ARL5A: variants seen among roughly 807,000 people sequenced by gnomAD.
The protein encoded by ARL5A is ARF like GTPase 5A.
Under a neutral mutation model 25.9 loss-of-function variants are expected in ARL5A, and 18 were observed. That is an observed-to-expected ratio of 0.69 (90% CI 0.48 to 1.03). The LOEUF (loss-of-function observed/expected upper bound fraction) is 1.03. Among genes scored for constraint, ARL5A ranks in the 50% least tolerant of loss-of-function variants. ARL5A has a pLI of 0.00. For synonymous variants in ARL5A, 61 were observed against 67.5 expected (o/e 0.90, Z 0.47); for missense variants, 170 against 211.9 (o/e 0.80, Z 1.23).
chr2:151,814,396 A>T, intron 2 of ARL5A, 80 bp from the exon 3 acceptor site: 1 of 1,083,820 alleles, frequency 9.2e-7, no homozygotes. Flanking sequence ...AGGACAAATC[A>T]GCATGACCTC....
chr2:151,820,817 G>A (rs2099832210), intron 1 of ARL5A, among the ~76,000 whole-genome samples: 1 of 152,074 alleles, frequency 6.6e-6, no homozygotes, highest in African/African-American at 2.4e-5. Context: ...GCCCTACAAG[G>A]TTAAGAATGT....
chr2:151,804,932 C>T (rs2099829893), intron 5 of ARL5A, among the ~76,000 whole-genome samples: 1 of 152,170 alleles, frequency 6.6e-6, no homozygotes, highest in African/African-American at 2.4e-5. Flanking sequence ...AAACCAAACT[C>T]ATCTATTATT....
At position 151,800,056 on chromosome 2, in the gene ARL5A, T is replaced by C. The variant is rs889550492; in HGVS notation, c.*3220A>G. The C allele has an allele frequency of 1.3e-5, 2 of 152,192 alleles. No individual in the cohort carries two copies. The highest frequency in any genetic ancestry group is 4.8e-5 in the African/African-American group (2 of 41,430). The allele number at this position is 152,192 out of a possible 1,614,324, so 9.4% of individuals were successfully genotyped here. A position where few individuals can be genotyped will look rare whatever the true frequency, so the allele number is the denominator to read the frequency against. ...TGATGACAACATACAACTGGGCAGT[T>C]GAGAGAAGACTGGAGTTTGGAGATA... On this transcript the variant is annotated 3_prime_UTR_variant, in exon 6 of 6. Coordinates refer to ENST00000295087, the MANE Select transcript of ARL5A (RefSeq NM_012097.4).
chr2:151,800,503 G>A lies in ARL5A; in HGVS notation c.*2773C>T, dbSNP rs1399544194. 6.6e-6 allele frequency: 1 copy of A among 152,160 alleles called. No homozygotes were observed. Among genetic ancestry groups the A allele is most frequent in the African/African-American group, 2.4e-5 (1 of 41,426 alleles). The allele number at this position is 152,160 out of a possible 1,614,324, so 9.4% of individuals were successfully genotyped here. On this transcript the variant is annotated 3_prime_UTR_variant, in exon 6 of 6. Coordinates refer to ENST00000295087, the MANE Select transcript of ARL5A (RefSeq NM_012097.4). ...CCTATATTAAAAATGCCAGCCATCAGTGCTAAAGCACTTTTATATTCTTAA... is the reference window on the plus strand; with the variant it reads ...CCTATATTAAAAATGCCAGCCATCAATGCTAAAGCACTTTTATATTCTTAA...
chr2:151,812,626 AT>A lies in ARL5A; in HGVS notation c.256-187del, dbSNP rs533011589. Among the ~76,000 whole-genome samples, 35 of 152,302 alleles carry A rather than the reference AT, an allele frequency of 2.3e-4. 2 individuals are homozygous for A. In the South Asian group the frequency reaches 6.8e-3, roughly 30 times the overall value. On this transcript the variant is annotated intron_variant, in intron 3 of 5. Coordinates refer to ENST00000295087, the MANE Select transcript of ARL5A (RefSeq NM_012097.4). ...CTGATCGATTTTAATATATTTACTA[AT>A]TTTTAAGAGAAAAGAGAATATGATA...
chr2:151,808,436 C>T (rs1336021489), intron 4 of ARL5A, among the ~76,000 whole-genome samples: 3 of 140,256 alleles, frequency 2.1e-5, no homozygotes, highest in African/African-American at 7.9e-5. Flanking sequence ...ATTTGTATTT[C>T]TTATTTGGTT....
chr2:151,815,417 T>G (rs530929420), intron 1 of ARL5A, among the ~76,000 whole-genome samples: 6 of 152,278 alleles, frequency 3.9e-5, no homozygotes, highest in African/African-American at 1.4e-4. Context: ...TAGAGACAAC[T>G]CTCATCTTTC....
rs201148768 is a variant in ARL5A, at chr2:151,812,363, C to A, written c.333G>T (p.Ala111=). 2.5e-6 allele frequency: 4 copies of A among 1,599,216 alleles called. No homozygotes were observed. The highest frequency in any genetic ancestry group is 3.4e-6 in the Non-Finnish European group (4 of 1,172,932). The change falls in exon 4 of 6, where the codon GCG becomes GCT. Residue 111 remains alanine, a synonymous_variant. Transcript: ENST00000295087. ...AAAAAGACTACTTACTTACCTCATG[C>A]GCTAACATTTTATAGAGTTCTTCTC... ...VTREELYKML[A]HEDLRKAGLL...
intron 1 of ARL5A, 92 bp downstream of exon 1, chr2:151,828,039 C>T: frequency 7.1e-7 from 1 of 1,408,596 alleles, no homozygotes; most frequent in Non-Finnish European, 9.9e-7. Context: ...CCGACCGAGC[C>T]GCCCACATTC....
At chr2:151,808,946 G>A (rs2099830464) in intron 4 of ARL5A, among the ~76,000 whole-genome samples, 1 of 152,170 alleles carries the variant, frequency 6.6e-6, no homozygotes, top group Non-Finnish European at 1.5e-5. Flanking sequence ...TACTTGGGAG[G>A]CTGAGGGATG....
chr2:151,823,064 A>G (rs2099832567), intron 1 of ARL5A, among the ~76,000 whole-genome samples: 1 of 152,224 alleles, frequency 6.6e-6, no homozygotes, highest in Non-Finnish European at 1.5e-5. Flanking sequence ...CAGGGCAAAT[A>G]AATGGAGAGT....
intron 1 of ARL5A, among the ~76,000 whole-genome samples, chr2:151,824,953 T>C (rs896828615): frequency 6.6e-6 from 1 of 152,206 alleles, no homozygotes; most frequent in Admixed American, 6.5e-5. Context: ...GTAGGGTTGT[T>C]GTAAAGAGTA....
At chr2:151,805,219 A>G (rs2099829933) in intron 5 of ARL5A, among the ~76,000 whole-genome samples, 1 of 63,682 alleles carries the variant, frequency 1.6e-5, no homozygotes, top group Admixed American at 2.5e-4. Context: ...TTTAATGAAC[A>G]GTTTTTTTTT....
At chr2:151,821,799 T>C (rs1382327364) in intron 1 of ARL5A, among the ~76,000 whole-genome samples, 1 of 144,798 alleles carries the variant, frequency 6.9e-6, no homozygotes, top group Non-Finnish European at 1.5e-5. Context: ...CTTTTTTTTT[T>C]TTTTTTTTGA....
At chr2:151,819,133 TAAAG>T (rs2099831911) in intron 1 of ARL5A, among the ~76,000 whole-genome samples, 3 of 151,856 alleles carry the variant, frequency 2.0e-5, no homozygotes, top group South Asian at 4.1e-4. Context: ...TATATAACAA[TAAAG>T]AATGACTAAA....
chr2:151,806,894 G>A lies in ARL5A; in HGVS notation c.418C>T (p.Gln140Ter). The A allele has an allele frequency of 1.2e-6, 2 of 1,613,482 alleles. No homozygotes were observed. The highest frequency in any genetic ancestry group is 1.7e-6 in the Non-Finnish European group (2 of 1,179,682). ...TTAATAGAAGTTAGCTTCAAAAACT[G>A]GGAGATTTCTGCTACAGTCATGCAT... ...KECMTVAEISQFLKLTSIKDH... is the reference protein window; with the variant it reads ...KECMTVAEIS Residue 140 changes from glutamine to a stop codon, truncating the protein, a stop_gained, in exon 5 of 6, where the codon CAG becomes TAG. Coordinates refer to ENST00000295087, the MANE Select transcript of ARL5A (RefSeq NM_012097.4). LOFTEE classifies it high-confidence loss of function.
intron 1 of ARL5A, among the ~76,000 whole-genome samples, chr2:151,815,486 T>C (rs1305975592): frequency 6.6e-6 from 1 of 152,200 alleles, no homozygotes; most frequent in African/African-American, 2.4e-5. Flanking sequence ...GCAAGCCTAC[T>C]CTCAGTAAAG....
In ARL5A at chr2:151,815,550, T is replaced by C. The variant is rs535301254; in HGVS notation, c.47-351A>G. On this transcript the variant is annotated intron_variant, in intron 1 of 5. Coordinates refer to ENST00000295087, the MANE Select transcript of ARL5A (RefSeq NM_012097.4). Reference sequence around the variant, plus strand: ...TGACTTAAAGTATAAATGTTTCACATTGGATTACATCAATGAGGTTCTAAC... The same window carrying C: ...TGACTTAAAGTATAAATGTTTCACACTGGATTACATCAATGAGGTTCTAAC... 5.7e-4 allele frequency among the ~76,000 whole-genome samples: 87 copies of C among 152,352 alleles called. 1 individual carries two copies. Among genetic ancestry groups the C allele is most frequent in the African/African-American group, 1.8e-3 (76 of 41,582 alleles).
intron 4 of ARL5A, among the ~76,000 whole-genome samples, chr2:151,809,637 C>T (rs1301561543): frequency 6.6e-6 from 1 of 152,198 alleles, no homozygotes; most frequent in African/African-American, 2.4e-5. Flanking sequence ...ATCTTTTGTA[C>T]ATAAACCATT....
Sources: allele counts gnomAD v4.1 joint callset (sites outside exome capture counted in the v4.1 genomes callset), GRCh38; gene constraint gnomAD v4.1.1; transcripts MANE v1.5; gene names NCBI Gene and HGNC (gene_info 2026-07-23, HGNC 2026-07-21).